The following PAX5 variants were observed in gnomAD, a reference collection of about 807,000 sequenced individuals.
PAX5 encodes the protein paired box 5.
PAX5 carries 9 observed loss-of-function variants against 43.7 expected under a neutral mutation model. The observed-to-expected ratio is 0.21, with a 90% CI of 0.12 to 0.36. The LOEUF (loss-of-function observed/expected upper bound fraction) is 0.36. PAX5 is among the 10% of genes least tolerant of loss of function. The probability of loss-of-function intolerance (pLI) is 1.00; values close to 1 mark genes in which losing one functional copy is unlikely to be tolerated. For missense variants in PAX5, 383 were observed against 532.7 expected (o/e 0.72, Z 2.77); for synonymous variants, 228 against 214.3 (o/e 1.06, Z -0.56).
chr9:36,848,599 G>A (rs562002921), intron 8 of PAX5, among the ~76,000 whole-genome samples: 16 of 152,264 alleles, frequency 1.1e-4, no homozygotes, highest in East Asian at 3.9e-4. Flanking sequence ...GAGACACAGC[G>A]CAGCCTGGAG....
chr9:36,892,603 G>C (rs771798059), intron 7 of PAX5, among the ~76,000 whole-genome samples: 3 of 152,172 alleles, frequency 2.0e-5, no homozygotes, highest in Non-Finnish European at 4.4e-5. Context: ...TTCAGTAGGT[G>C]AATCACAGAA....
intron 7 of PAX5, among the ~76,000 whole-genome samples, chr9:36,904,909 G>A (rs1828695500): frequency 6.6e-6 from 1 of 152,204 alleles, no homozygotes; most frequent in African/African-American, 2.4e-5. Flanking sequence ...GCTGGAGAAG[G>A]CAGAGACAAT....
At chr9:36,868,747 C>G (rs1258675747) in intron 8 of PAX5, among the ~76,000 whole-genome samples, 8 of 152,074 alleles carry the variant, frequency 5.3e-5, no homozygotes, top group African/African-American at 1.9e-4. Flanking sequence ...CTCAGAGACC[C>G]TAAGTTCCAG....
At chr9:36,991,810 C>T (rs1836969662) in intron 5 of PAX5, among the ~76,000 whole-genome samples, 1 of 151,548 alleles carries the variant, frequency 6.6e-6, no homozygotes, top group South Asian at 2.1e-4. Flanking sequence ...TTTCGTCCTC[C>T]ACTGTTCAGT....
chr9:37,011,128 CAA>C (rs1225031293), intron 3 of PAX5, among the ~76,000 whole-genome samples: 1,067 of 100,936 alleles, frequency 0.011, 8 homozygotes, highest in African/African-American at 0.033. Flanking sequence ...CTCAAAAAAA[CAA>C]AAAAAAAAAA....
At chr9:37,013,230 G>A (rs181880415) in intron 3 of PAX5, among the ~76,000 whole-genome samples, 46 of 152,246 alleles carry the variant, frequency 3.0e-4, no homozygotes, top group African/African-American at 1.1e-3. Context: ...GGCAGCATTC[G>A]GCTGGAGCTA....
chr9:36,911,408 G>T (rs1274116922), intron 7 of PAX5, among the ~76,000 whole-genome samples: 5 of 151,522 alleles, frequency 3.3e-5, no homozygotes, highest in Admixed American at 3.3e-4. Flanking sequence ...TGGTCCTCCC[G>T]CCTTGACCTC....
intron 4 of PAX5, 170 bp from the exon 5 acceptor site, chr9:37,002,946 G>A: frequency 1.4e-6 from 1 of 722,874 alleles, no homozygotes; most frequent in Non-Finnish European, 2.2e-6. Flanking sequence ...ACGAGCGCAG[G>A]CCTCGGGCGG....
chr9:36,873,007 G>T (rs930105376), intron 8 of PAX5, among the ~76,000 whole-genome samples: 2 of 152,312 alleles, frequency 1.3e-5, no homozygotes, highest in East Asian at 3.9e-4. Flanking sequence ...CATGTTCTCT[G>T]GTTCCCCTGG....
At chr9:36,866,338 T>C (rs969805166) in intron 8 of PAX5, among the ~76,000 whole-genome samples, 4 of 152,238 alleles carry the variant, frequency 2.6e-5, no homozygotes, top group Non-Finnish European at 5.9e-5. Flanking sequence ...CATTTCTTTG[T>C]GTCTGGCTAC....
At chr9:36,916,983 C>G (rs907602315) in intron 7 of PAX5, among the ~76,000 whole-genome samples, 3 of 152,120 alleles carry the variant, frequency 2.0e-5, no homozygotes, top group Admixed American at 2.0e-4. Context: ...CTGCACCCAG[C>G]TCTTTTATTA....
chr9:37,024,647 C>G (rs1293036139), intron 1 of PAX5, among the ~76,000 whole-genome samples: 1 of 152,222 alleles, frequency 6.6e-6, no homozygotes, highest in African/African-American at 2.4e-5. Context: ...GCCCAGCCCC[C>G]ACTGTGCTGC....
In PAX5 at chr9:37,033,841, A is replaced by G. The variant is rs548102760; in HGVS notation, c.46+145T>C. The stretch of plus-strand genomic sequence containing the variant: ...GCAGAAGTGTGTGAACAGATAGGTG[A>G]AAAAACATAACAAACACGCCGCAGT... On this transcript the variant is annotated intron_variant, in intron 1 of 9. Coordinates refer to ENST00000358127, the MANE Select transcript of PAX5 (RefSeq NM_016734.3). 5.5e-4 allele frequency: 375 copies of G among 685,644 alleles called. 11 individuals carry two copies. The South Asian group carries it at 5.9e-3, about 11-fold the overall frequency. The allele number at this position is 685,644 out of a possible 1,614,324, so 42.5% of individuals were successfully genotyped here. A position where few individuals can be genotyped will look rare whatever the true frequency, so the allele number is the denominator to read the frequency against.
intron 2 of PAX5, among the ~76,000 whole-genome samples, chr9:37,017,798 G>A (rs78492806): frequency 6.2e-4 from 94 of 152,350 alleles, no homozygotes; most frequent in African/African-American, 2.0e-3. Context: ...AGAGGTCTCT[G>A]TCGTCCTTTT....
chr9:36,885,009 G>C (rs781055189), intron 7 of PAX5, among the ~76,000 whole-genome samples: 2 of 152,194 alleles, frequency 1.3e-5, no homozygotes, highest in Non-Finnish European at 2.9e-5. Flanking sequence ...CCAGTTTTAC[G>C]CAGGCACAGT....
chr9:36,856,832 G>A (rs1432034353), intron 8 of PAX5, among the ~76,000 whole-genome samples: 1 of 152,168 alleles, frequency 6.6e-6, no homozygotes, highest in African/African-American at 2.4e-5. Context: ...GACTGAAGCC[G>A]GATTACAAAG....
chr9:36,907,454 C>T lies in PAX5; in HGVS notation c.910+15901G>A, dbSNP rs575338486. On this transcript the variant is annotated intron_variant, in intron 7 of 9. Transcript: ENST00000358127. ...AGTCAGCTGTCTCTATGCCAACAGC[C>T]CTGGGCCTCCTGTGGATGCCAAGGT... 1.3e-4 allele frequency among the ~76,000 whole-genome samples: 20 copies of T among 152,250 alleles called. No individual in the cohort carries two copies. The South Asian group carries it at 3.5e-3, about 27-fold the overall frequency.
chr9:36,842,492 G>T (rs2131575593), intron 9 of PAX5, among the ~76,000 whole-genome samples: 1 of 152,228 alleles, frequency 6.6e-6, no homozygotes, highest in South Asian at 2.1e-4. Context: ...CCCTCCCAAA[G>T]CCAGGCTAGA....
chr9:36,951,649 A>G (rs1301414850), intron 6 of PAX5, among the ~76,000 whole-genome samples: 4 of 152,138 alleles, frequency 2.6e-5, no homozygotes, highest in African/African-American at 9.7e-5. Flanking sequence ...GGTCTTGGTT[A>G]TTTTACACGT....
Sources: allele counts gnomAD v4.1 joint callset (sites outside exome capture counted in the v4.1 genomes callset), GRCh38; gene constraint gnomAD v4.1.1; transcripts MANE v1.5; gene names NCBI Gene and HGNC (gene_info 2026-07-23, HGNC 2026-07-21).